Variants in MCF2L observed in about 807,000 individuals in gnomAD.
The protein encoded by MCF2L is guanine nucleotide exchange factor DBS.
A neutral mutation model predicts 153.4 loss-of-function variants in MCF2L; 97 were observed. That is an observed-to-expected ratio of 0.63 (90% confidence interval 0.54 to 0.75). The LOEUF is 0.75. MCF2L is among the 30% of genes least tolerant of loss of function. The pLI, the probability that MCF2L is intolerant of heterozygous loss-of-function variation, is 0.00. For missense variants in MCF2L, 1,347 were observed against 1,495.2 expected, an observed-to-expected ratio of 0.90 and a Z score of 1.64; for synonymous variants, 659 against 632.2, an observed-to-expected ratio of 1.04 and a Z score of -0.64.
At chr13:113,069,851 C>G (rs866296663) in intron 8 of MCF2L, among the ~76,000 whole-genome samples, 162 of 152,342 alleles carry the variant, frequency 1.1e-3, no homozygotes, top group African/African-American at 3.8e-3. Flanking sequence ...GCCCCTGATG[C>G]TTTCTCCAGG....
chr13:112,942,477 G>A (rs556514029), intron 2 of MCF2L, among the ~76,000 whole-genome samples: 2 of 152,184 alleles, frequency 1.3e-5, no homozygotes, highest in African/African-American at 2.4e-5. Flanking sequence ...ACCAGTCTCC[G>A]TGTCTTGGTG....
At chr13:112,935,275 G>A (rs1458940415) in intron 2 of MCF2L, among the ~76,000 whole-genome samples, 1 of 151,254 alleles carries the variant, frequency 6.6e-6, no homozygotes, top group Non-Finnish European at 1.5e-5. Context: ...CTTTTTTTTT[G>A]AGATGGAGTC....
Position 113,035,306 on chromosome 13 carries a change from C to G in MCF2L, c.279-9965C>G, listed in dbSNP as rs911940404. Among the ~76,000 whole-genome samples, 1 of 152,208 alleles carries G rather than the reference C, an allele frequency of 6.6e-6. No individual in the cohort carries two copies. Among genetic ancestry groups the G allele is most frequent in the East Asian group, 1.9e-4 (1 of 5,196 alleles). ...GTGCATATTTTACTCTAAGGCCTGT[C>G]TGTAAACCCTAATAAATGACCCTAC... On this transcript the variant is annotated intron_variant, in intron 3 of 29. Transcript: ENST00000535094. The surrounding 1 kb of genome is among the most constrained non-coding windows in gnomAD (Gnocchi z 4.4).
intron 1 of MCF2L, chr13:112,979,748 C>A: frequency 1.2e-6 from 2 of 1,611,670 alleles, no homozygotes; most frequent in Non-Finnish European, 1.7e-6. Context: ...CTGCAGGGCG[C>A]TCGAGGCCAG....
In MCF2L at chr13:113,031,038, GAC is replaced by G. The variant is rs1182570358; in HGVS notation, c.278+6282_278+6283del. ...TGTGAGAAAGAAAGAGAGACAGAGA[GAC>G]AGAGACAGACAGATACAGACAGAGA... On this transcript the variant is annotated intron_variant, in intron 3 of 29. Transcript: ENST00000535094. This position sits in a 1 kb window ranked among gnomAD's most constrained non-coding sequence, Gnocchi z 5.5. Among the ~76,000 whole-genome samples the G allele has an allele frequency of 2.8e-5, 2 of 71,254 alleles. No homozygotes were observed. The highest frequency in any genetic ancestry group is 5.0e-5 in the Non-Finnish European group (2 of 39,808). The allele number at this position is 71,254 out of a possible 152,430, so 46.7% of individuals were successfully genotyped here.
At chr13:112,959,272 C>G (rs1273673349) in intron 2 of MCF2L, among the ~76,000 whole-genome samples, 3 of 152,128 alleles carry the variant, frequency 2.0e-5, no homozygotes, top group Non-Finnish European at 4.4e-5. Flanking sequence ...TCCTCCGGGT[C>G]TCTCCACTCT....
At chr13:112,972,902 C>G (rs917501761) in intron 1 of MCF2L, among the ~76,000 whole-genome samples, 2 of 124,752 alleles carry the variant, frequency 1.6e-5, no homozygotes, top group Non-Finnish European at 3.5e-5. Flanking sequence ...TTAAGCTCTT[C>G]CTGGGAAGGG....
chr13:113,017,290 T>C (rs535012994), intron 2 of MCF2L, among the ~76,000 whole-genome samples: 4 of 152,328 alleles, frequency 2.6e-5, no homozygotes. Context: ...TCAGGTTCCG[T>C]GGGGCTGTGC....
intron 2 of MCF2L, among the ~76,000 whole-genome samples, chr13:112,946,209 A>G (rs2081635733): frequency 6.6e-6 from 1 of 152,178 alleles, no homozygotes. Flanking sequence ...CCACCCTGCC[A>G]AAGTATTCTG....
rs1223261715 is a variant in MCF2L at position 113,003,519 on chromosome 13, A to C, written c.80-11244A>C. ...TGAGCAGGGGTAGGTGGCTGCTTTA[A>C]GAGAGGTTGTGTCCCCTGGGTGCCC... On this transcript the variant is annotated intron_variant, in intron 1 of 29. Coordinates refer to ENST00000535094, the MANE Select transcript of MCF2L (RefSeq NM_001112732.3). 2.6e-5 allele frequency among the ~76,000 whole-genome samples: 4 copies of C among 152,104 alleles called. No individual in the cohort carries two copies. The East Asian group carries it at 7.7e-4, about 29-fold the overall frequency.
intron 1 of MCF2L, among the ~76,000 whole-genome samples, chr13:112,978,466 C>T (rs952153489): frequency 6.6e-6 from 1 of 152,214 alleles, no homozygotes; most frequent in African/African-American, 2.4e-5. Context: ...AAACCCAGCA[C>T]AGAACACTTT....
chr13:113,081,312 CG>C, intron 16 of MCF2L, 33 bp downstream of exon 16: 1 of 1,552,882 alleles, frequency 6.4e-7, no homozygotes, highest in Non-Finnish European at 8.7e-7. Context: ...CCGACTGCCA[CG>C]GGGACTCCCC....
intron 3 of MCF2L, among the ~76,000 whole-genome samples, chr13:113,030,868 G>A (rs754440624): frequency 1.3e-5 from 2 of 152,182 alleles, no homozygotes; most frequent in Non-Finnish European, 2.9e-5. Flanking sequence ...GGTCAGACCT[G>A]TGTGTCCAGG....
chr13:112,895,840 AT>A (rs2081062280), intron 1 of MCF2L, among the ~76,000 whole-genome samples: 1 of 151,206 alleles, frequency 6.6e-6, no homozygotes, highest in Admixed American at 6.6e-5. Flanking sequence ...GGCGTCCCCG[AT>A]TTCACCGGGC....
chr13:113,022,154 C>T (rs1314236251), intron 2 of MCF2L, among the ~76,000 whole-genome samples: 1 of 152,136 alleles, frequency 6.6e-6, no homozygotes, highest in Non-Finnish European at 1.5e-5. Flanking sequence ...CAGATGCCAC[C>T]TCCACACTGT....
chr13:113,049,792 G>A (rs1355243230), intron 4 of MCF2L, among the ~76,000 whole-genome samples: 1 of 152,220 alleles, frequency 6.6e-6, no homozygotes, highest in Non-Finnish European at 1.5e-5. Context: ...GCCGGGATCC[G>A]GGGCTATTTT....
At chr13:113,084,211 C>A in intron 18 of MCF2L, 144 bp downstream of exon 18, 1 of 724,980 alleles carries the variant, frequency 1.4e-6, no homozygotes, top group South Asian at 1.7e-5. Flanking sequence ...CCATGATGCT[C>A]CTGTACCCCT....
At chr13:112,972,608 G>A (rs1247461003) in intron 1 of MCF2L, among the ~76,000 whole-genome samples, 8 of 148,648 alleles carry the variant, frequency 5.4e-5, no homozygotes, top group Non-Finnish European at 7.4e-5. Context: ...ATGCTTGGAC[G>A]GATGAGTGGA....
chr13:113,091,301 G>A (rs1566883859), intron 26 of MCF2L: 4 of 941,546 alleles, frequency 4.2e-6, no homozygotes, highest in Non-Finnish European at 5.9e-6. Flanking sequence ...ATGCTCTCGT[G>A]GGTCTTTATG....
Sources: allele counts gnomAD v4.1 joint callset (sites outside exome capture counted in the v4.1 genomes callset), GRCh38; gene constraint gnomAD v4.1.1; non-coding constraint Gnocchi (gnomAD v3.1); transcripts MANE v1.5; gene names NCBI Gene and HGNC (gene_info 2026-07-23, HGNC 2026-07-21).